Variants in GLIS3 observed in about 807,000 individuals in gnomAD.
GLIS3 encodes GLIS family zinc finger 3.
In GLIS3, 53 loss-of-function variants were observed where a neutral mutation model predicts 78.6. That is an observed-to-expected ratio of 0.67 (90% CI 0.54 to 0.85). GLIS3 has a LOEUF of 0.85. Among genes scored for constraint, GLIS3 ranks in the 40% least tolerant of loss-of-function variants. The probability of loss-of-function intolerance (pLI) is 0.00; values close to 1 mark genes in which losing one functional copy is unlikely to be tolerated. For missense variants in GLIS3, 1,703 were observed against 1,231.1 expected (o/e 1.38, Z -5.74); for synonymous variants, 684 against 509.9 (o/e 1.34, Z -4.60).
chr9:4,433,156 G>T, the GLIS3 span, among the ~76,000 whole-genome samples: 1 of 152,190 alleles, frequency 6.6e-6, no homozygotes, highest in African/African-American at 2.4e-5. Flanking sequence ...AAATGGCCAG[G>T]CGCTATGGCC....
At chr9:3,910,119 C>T (rs1001536145) in intron 6 of GLIS3, among the ~76,000 whole-genome samples, 1 of 152,104 alleles carries the variant, frequency 6.6e-6, no homozygotes, top group Non-Finnish European at 1.5e-5. Flanking sequence ...TCAAGTTGAA[C>T]TATAATCTGC....
chr9:4,330,236 C>G (rs1361352214), intron 2 of GLIS3, among the ~76,000 whole-genome samples: 2 of 152,216 alleles, frequency 1.3e-5, no homozygotes, highest in Non-Finnish European at 2.9e-5. Flanking sequence ...CCCAAGACAG[C>G]AAGGTGTAGA....
intron 2 of GLIS3, among the ~76,000 whole-genome samples, chr9:4,224,464 G>A (rs1383202655): frequency 6.6e-6 from 1 of 152,260 alleles, no homozygotes; most frequent in African/African-American, 2.4e-5. Flanking sequence ...GACTCCCTGG[G>A]AAAATCACTA....
At chr9:4,046,122 T>C (rs1340339749) in intron 4 of GLIS3, among the ~76,000 whole-genome samples, 1 of 152,226 alleles carries the variant, frequency 6.6e-6, no homozygotes, top group African/African-American at 2.4e-5. Context: ...ACAATGTATT[T>C]TATAAGGTCT....
At chr9:4,279,314 AAT>A (rs869244659) in intron 2 of GLIS3, among the ~76,000 whole-genome samples, 1 of 82,650 alleles carries the variant, frequency 1.2e-5, no homozygotes, top group Non-Finnish European at 2.5e-5. Context: ...AAAAAAAAAA[AAT>A]ATATATATAC....
chr9:4,005,780 T>C (rs1306484769), intron 4 of GLIS3, among the ~76,000 whole-genome samples: 1 of 152,044 alleles, frequency 6.6e-6, no homozygotes, highest in Non-Finnish European at 1.5e-5. Flanking sequence ...TAAAAGAAAA[T>C]GATAATGCCA....
intron 9 of GLIS3, among the ~76,000 whole-genome samples, chr9:3,852,330 T>A (rs1307641633): frequency 6.6e-6 from 1 of 152,068 alleles, no homozygotes; most frequent in African/African-American, 2.4e-5. Flanking sequence ...ATAGAAGAAA[T>A]GGGGGTGACT....
At chr9:3,859,384 C>G (rs1434716164) in intron 8 of GLIS3, among the ~76,000 whole-genome samples, 3 of 39,922 alleles carry the variant, frequency 7.5e-5, no homozygotes, top group Non-Finnish European at 1.8e-4. Flanking sequence ...CACACACACA[C>G]ACACACACAC....
intron 7 of GLIS3, among the ~76,000 whole-genome samples, chr9:3,884,591 C>G (rs77847054): frequency 5.9e-5 from 9 of 152,240 alleles, no homozygotes; most frequent in African/African-American, 1.7e-4. Flanking sequence ...GGGATCCTGT[C>G]TCAGCTTCAT....
intron 4 of GLIS3, among the ~76,000 whole-genome samples, chr9:4,091,558 T>C (rs942028370): frequency 6.6e-6 from 1 of 152,084 alleles, no homozygotes; most frequent in Non-Finnish European, 1.5e-5. Flanking sequence ...ACCACATAAG[T>C]ATGAATGTGC....
intron 4 of GLIS3, among the ~76,000 whole-genome samples, chr9:4,062,972 T>A (rs1041237742): frequency 6.6e-6 from 1 of 151,890 alleles, no homozygotes; most frequent in African/African-American, 2.4e-5. Flanking sequence ...GGAAGCACAG[T>A]ATGCAAACGA....
chr9:4,040,302 C>A (rs527901), intron 4 of GLIS3, among the ~76,000 whole-genome samples: 44,540 of 147,282 alleles, frequency 0.3, 7,365 homozygotes, highest in East Asian at 0.54. Context: ...AAACAAAAAA[C>A]AAAAAACCTG....
intron 8 of GLIS3, among the ~76,000 whole-genome samples, chr9:3,871,323 G>T (rs1820954834): frequency 6.6e-6 from 1 of 152,156 alleles, no homozygotes; most frequent in Non-Finnish European, 1.5e-5. Flanking sequence ...TACCATTCTG[G>T]GGTCTGGAGG....
At chr9:4,472,561 A>G in the GLIS3 span, among the ~76,000 whole-genome samples, 3 of 151,134 alleles carry the variant, frequency 2.0e-5, no homozygotes, top group Admixed American at 1.3e-4. Flanking sequence ...GAACAATGAG[A>G]ACACTTGGAC....
chr9:4,330,830 T>C (rs1817674443), intron 2 of GLIS3, among the ~76,000 whole-genome samples: 1 of 152,160 alleles, frequency 6.6e-6, no homozygotes, highest in Admixed American at 6.5e-5. Flanking sequence ...TTCAGAATCA[T>C]CCACCACCAG....
chr9:4,271,976 A>G (rs943879521), intron 2 of GLIS3, among the ~76,000 whole-genome samples: 4 of 152,104 alleles, frequency 2.6e-5, no homozygotes, highest in Non-Finnish European at 4.4e-5. Flanking sequence ...GGGATCCATA[A>G]AATTCTCATT....
intron 2 of GLIS3, among the ~76,000 whole-genome samples, chr9:4,266,493 A>G (rs1397057945): frequency 1.3e-5 from 2 of 152,128 alleles, no homozygotes; most frequent in African/African-American, 4.8e-5. Context: ...ATAATTAGGA[A>G]CAAACCATCT....
intron 4 of GLIS3, among the ~76,000 whole-genome samples, chr9:4,004,709 G>T (rs1214985282): frequency 6.6e-6 from 1 of 152,158 alleles, no homozygotes; most frequent in Admixed American, 6.5e-5. Context: ...AAGTTTCATA[G>T]AACACTGAAA....
the GLIS3 span, among the ~76,000 whole-genome samples, chr9:4,391,585 C>T: frequency 7.4e-5 from 11 of 147,896 alleles, no homozygotes; most frequent in African/African-American, 1.6e-4. Context: ...GTGTTGGGCT[C>T]GGGTAGGTTG....
Sources: gnomAD v4.1 joint callset for allele counts (sites outside exome capture counted in the v4.1 genomes callset) on GRCh38, gnomAD v4.1.1 for gene constraint, MANE v1.5 for transcripts, NCBI Gene and HGNC (gene_info 2026-07-23, HGNC 2026-07-21) for gene names.